The following CRADD variants were observed in gnomAD, a reference collection of about 807,000 sequenced individuals.
The protein encoded by CRADD is CARD and death domain containing adaptor protein, also known as death domain-containing protein CRADD.
CRADD carries 9 observed loss-of-function variants against 15.5 expected under a neutral mutation model. That is an observed-to-expected ratio of 0.58 (90% confidence interval 0.35 to 1.01). The LOEUF is 1.01. Among genes scored for constraint, CRADD ranks in the 50% least tolerant of loss-of-function variants. The pLI is 0.02. For missense variants in CRADD, 227 were observed against 250.3 expected (o/e 0.91, Z 0.63); for synonymous variants, 118 against 107.6 (o/e 1.10, Z -0.60).
At chr12:93,863,978 A>G (rs1958341245) in intron 2 of CRADD, among the ~76,000 whole-genome samples, 1 of 152,214 alleles carries the variant, frequency 6.6e-6, no homozygotes, top group South Asian at 2.1e-4. Context: ...AACACCTAAT[A>G]CAAACTATTC....
intron 2 of CRADD, among the ~76,000 whole-genome samples, chr12:93,688,969 G>T (rs533198812): frequency 6.6e-6 from 1 of 152,032 alleles, no homozygotes; most frequent in African/African-American, 2.4e-5. Flanking sequence ...TTCCTGGTTG[G>T]TATCTCTCTC....
intron 2 of CRADD, among the ~76,000 whole-genome samples, chr12:93,765,869 A>G (rs560664192): frequency 6.2e-4 from 94 of 151,876 alleles, no homozygotes; most frequent in Middle Eastern, 3.4e-3. Context: ...TCTGTGAATT[A>G]GTAAAAGACT....
At chr12:93,779,896 C>T (rs967294165) in intron 2 of CRADD, among the ~76,000 whole-genome samples, 3 of 152,134 alleles carry the variant, frequency 2.0e-5, no homozygotes, top group Admixed American at 6.5e-5. Context: ...GCCCAGGAAC[C>T]ATTTTAAGAT....
chr12:93,697,424 A>G (rs923603764), intron 2 of CRADD, among the ~76,000 whole-genome samples: 13 of 152,234 alleles, frequency 8.5e-5, no homozygotes, highest in Non-Finnish European at 1.9e-4. Context: ...TTGCACCTTT[A>G]TCTTGGACTT....
chr12:93,878,208 C>T (rs759033117), intron 2 of CRADD, among the ~76,000 whole-genome samples: 11 of 152,142 alleles, frequency 7.2e-5, no homozygotes, highest in Non-Finnish European at 1.3e-4. Flanking sequence ...AATACCTCTA[C>T]GAGTCTGCAA....
intron 2 of CRADD, among the ~76,000 whole-genome samples, chr12:93,698,840 A>G (rs951213687): frequency 6.6e-6 from 1 of 152,222 alleles, no homozygotes; most frequent in African/African-American, 2.4e-5. Context: ...TTCAGTGTCT[A>G]TAAATAAAGT....
chr12:93,742,657 A>G (rs1472500971), intron 2 of CRADD, among the ~76,000 whole-genome samples: 5 of 152,192 alleles, frequency 3.3e-5, no homozygotes, highest in Non-Finnish European at 5.9e-5. Flanking sequence ...AGTGAAACGT[A>G]AATCTTGCAT....
chr12:93,831,815 A>T (rs1485889), intron 2 of CRADD, among the ~76,000 whole-genome samples: 1 of 152,202 alleles, frequency 6.6e-6, no homozygotes, highest in Non-Finnish European at 1.5e-5. Flanking sequence ...TCTGTATCAC[A>T]TGCAGTCAGG....
chr12:93,818,317 T>A (rs916206531), intron 2 of CRADD, among the ~76,000 whole-genome samples: 5 of 152,182 alleles, frequency 3.3e-5, no homozygotes, highest in African/African-American at 1.2e-4. Flanking sequence ...GAAGATGGGA[T>A]ACAAAAAGGT....
At chr12:93,856,137 G>A (rs1181734924) in intron 2 of CRADD, among the ~76,000 whole-genome samples, 1 of 152,222 alleles carries the variant, frequency 6.6e-6, no homozygotes, top group Admixed American at 6.5e-5. Flanking sequence ...CCCTCCCAGG[G>A]CTCTGAGAAG....
chr12:93,800,600 C>T (rs1019479230), intron 2 of CRADD, among the ~76,000 whole-genome samples: 11 of 152,156 alleles, frequency 7.2e-5, no homozygotes, highest in Admixed American at 7.2e-4. Flanking sequence ...CTCTCTCTCT[C>T]TGGCCACTAT....
At chr12:93,821,860 G>A (rs564111928) in intron 2 of CRADD, among the ~76,000 whole-genome samples, 1 of 152,308 alleles carries the variant, frequency 6.6e-6, no homozygotes, top group Non-Finnish European at 1.5e-5. Flanking sequence ...GCTCATGCCT[G>A]TAATCCCAGC....
At chr12:93,873,100 G>A (rs1233665029) in intron 2 of CRADD, among the ~76,000 whole-genome samples, 1 of 151,738 alleles carries the variant, frequency 6.6e-6, no homozygotes, top group Admixed American at 6.6e-5. Flanking sequence ...GTGTTTTATA[G>A]TTTTCATTAT....
At chr12:93,873,969 T>A (rs1958440394) in intron 2 of CRADD, among the ~76,000 whole-genome samples, 1 of 152,050 alleles carries the variant, frequency 6.6e-6, no homozygotes, top group Non-Finnish European at 1.5e-5. Flanking sequence ...AGAATGAGTT[T>A]GGAAGTAGTC....
chr12:93,735,846 TC>T (rs1956558534), intron 2 of CRADD: 3 of 151,874 alleles, frequency 2.0e-5, no homozygotes, highest in African/African-American at 7.3e-5. Flanking sequence ...GAATAATTAT[TC>T]CTACCAAGTG....
At chr12:93,847,628 C>CTGG (rs1167156187) in intron 2 of CRADD, among the ~76,000 whole-genome samples, 2 of 151,178 alleles carry the variant, frequency 1.3e-5, no homozygotes, top group Non-Finnish European at 2.9e-5. Flanking sequence ...CAACAAAACA[C>CTGG]TGGTGAGCAT....
intron 2 of CRADD, among the ~76,000 whole-genome samples, chr12:93,792,062 T>A (rs1957355870): frequency 6.6e-6 from 1 of 152,276 alleles, no homozygotes; most frequent in African/African-American, 2.4e-5. Flanking sequence ...CTGAGAATCT[T>A]AAGATGTTAT....
At chr12:93,861,926 A>C (rs1958322911) in intron 2 of CRADD, among the ~76,000 whole-genome samples, 1 of 152,190 alleles carries the variant, frequency 6.6e-6, no homozygotes, top group South Asian at 2.1e-4. Context: ...GGGCAAGGCC[A>C]GGTAGAGATC....
intron 2 of CRADD, among the ~76,000 whole-genome samples, chr12:93,716,352 T>C (rs1414749289): frequency 6.6e-6 from 1 of 151,864 alleles, no homozygotes; most frequent in Non-Finnish European, 1.5e-5. Flanking sequence ...ACATTTGTTA[T>C]CATTGATGAA....
Sources: gnomAD v4.1 joint callset for allele counts (sites outside exome capture counted in the v4.1 genomes callset) on GRCh38, gnomAD v4.1.1 for gene constraint, MANE v1.5 for transcripts, NCBI Gene and HGNC (gene_info 2026-07-23, HGNC 2026-07-21) for gene names.